Variants in IFT172 observed in about 807,000 individuals in gnomAD.
IFT172 encodes the protein intraflagellar transport protein 172 homolog.
IFT172 carries 164 observed loss-of-function variants against 248.9 expected under a neutral mutation model. The ratio of observed to expected loss-of-function variants is 0.66; its 90% CI spans 0.58 to 0.75. The LOEUF (loss-of-function observed/expected upper bound fraction) is 0.75, where lower values mean the gene tolerates loss of function less well. IFT172 is among the 30% of genes least tolerant of loss of function. The pLI is 0.00. For synonymous variants in IFT172, 729 were observed against 791.6 expected (o/e 0.92, Z 1.33); for missense variants, 1,950 against 2,192.4 (o/e 0.89, Z 2.21).
Position 27,461,027 on chromosome 2 carries a change from C to T in IFT172, c.2509G>A (p.Ala837Thr), listed in dbSNP as rs752494593. The T allele has an allele frequency of 8.1e-6, 13 of 1,614,002 alleles. 1 individual carries two copies. The highest frequency in any genetic ancestry group is 7.7e-5 in the South Asian group (7 of 91,090). The change falls in exon 23 of 48, where the codon GCA becomes ACA. Residue 837 changes from alanine to threonine, a missense_variant. Physicochemically the swap from Ala to Thr is moderately conservative, Grantham distance 58. Coordinates refer to ENST00000260570, the MANE Select transcript of IFT172 (RefSeq NM_015662.3). Reference sequence around the variant, plus strand: ...AGGTGGCTAGTACCTTTCATGAATGCGTTGCCTTTACGGTAGCACTCCAGG... The same window carrying T: ...AGGTGGCTAGTACCTTTCATGAATGTGTTGCCTTTACGGTAGCACTCCAGG... ...KALECYRKGNAFMKAVELARL... is the reference protein window; with the variant it reads ...KALECYRKGNTFMKAVELARL...
At chr2:27,448,127 C>G (rs1412583973) in intron 40 of IFT172, among the ~76,000 whole-genome samples, 3 of 151,964 alleles carry the variant, frequency 2.0e-5, no homozygotes, top group Non-Finnish European at 2.9e-5. Flanking sequence ...GAGACAGAGT[C>G]TTGCTCTGTT....
chr2:27,475,536 C>T (rs781557602), intron 14 of IFT172: 95 of 152,132 alleles, frequency 6.2e-4, no homozygotes, highest in African/African-American at 2.2e-3. Context: ...CATCCTTGCA[C>T]GGGGCCATGC....
At chr2:27,469,856 C>T (rs1007468747) in intron 16 of IFT172, among the ~76,000 whole-genome samples, 1 of 151,812 alleles carries the variant, frequency 6.6e-6, no homozygotes, top group Non-Finnish European at 1.5e-5. Flanking sequence ...TCATGCCTAA[C>T]TTTGGAGACA....
chr2:27,453,911 G>T, intron 33 of IFT172, 71 bp downstream of exon 33: 1 of 1,493,750 alleles, frequency 6.7e-7, no homozygotes, highest in Non-Finnish European at 9.1e-7. Context: ...CATACCAGGG[G>T]TCAGTGTGGC....
intron 42 of IFT172, among the ~76,000 whole-genome samples, chr2:27,446,680 AT>A (rs766069964): frequency 8.7e-3 from 700 of 80,394 alleles, no homozygotes; most frequent in African/African-American, 0.027. Context: ...TGCCTGGCTA[AT>A]TTTTTTTTTT....
At chr2:27,446,568 C>T in intron 42 of IFT172, 1 of 477,516 alleles carries the variant, frequency 2.1e-6, no homozygotes, top group Non-Finnish European at 3.8e-6. Context: ...GGCTGGAGTG[C>T]AGTGGTGCCA....
At chr2:27,473,864 G>C (rs1315318242) in intron 14 of IFT172, among the ~76,000 whole-genome samples, 1 of 151,048 alleles carries the variant, frequency 6.6e-6, no homozygotes, top group Non-Finnish European at 1.5e-5. Context: ...CTGGAGTGCA[G>C]TGGCACGATC....
intron 10 of IFT172, 80 bp from the exon 11 acceptor site, chr2:27,478,236 C>T (rs1668110359): frequency 1.3e-6 from 2 of 1,546,034 alleles, no homozygotes; most frequent in Admixed American, 1.7e-5. Flanking sequence ...TTGCCCACCT[C>T]CACAGCACTA....
chr2:27,468,564 G>A (rs1448130696), intron 16 of IFT172, among the ~76,000 whole-genome samples: 1 of 151,992 alleles, frequency 6.6e-6, no homozygotes, highest in Non-Finnish European at 1.5e-5. Context: ...AGAAACCAAA[G>A]AGAGGCCAGG....
chr2:27,477,724 C>T, intron 11 of IFT172, 112 bp from the exon 12 acceptor site: 1 of 864,992 alleles, frequency 1.2e-6, no homozygotes, highest in Non-Finnish European at 1.9e-6. Context: ...TAGGCTTTGG[C>T]ACTACACAAA....
At chr2:27,461,858 GA>G in intron 20 of IFT172, 22 bp from the exon 21 acceptor site, 1 of 1,613,760 alleles carries the variant, frequency 6.2e-7, no homozygotes, top group Admixed American at 1.7e-5. Context: ...AGGCAGAGCA[GA>G]GAGGGACACC....
intron 37 of IFT172, 22 bp downstream of exon 37, chr2:27,449,669 T>A: frequency 6.2e-7 from 1 of 1,608,618 alleles, no homozygotes; most frequent in Non-Finnish European, 8.5e-7. Context: ...AATTTCGCAG[T>A]AAGAAGGGGT....
At chr2:27,457,553 T>C in intron 29 of IFT172, 86 bp downstream of exon 29, 1 of 1,180,350 alleles carries the variant, frequency 8.5e-7, no homozygotes, top group Non-Finnish European at 1.3e-6. Context: ...CCAGCCTGGG[T>C]GACAGAGTGA....
chr2:27,470,742 A>G (rs1428464400), intron 16 of IFT172, 186 bp downstream of exon 16: 2 of 532,842 alleles, frequency 3.8e-6, no homozygotes, highest in Non-Finnish European at 6.2e-6. Flanking sequence ...AGGGTCTAAT[A>G]TAATGTCAGG....
intron 14 of IFT172, among the ~76,000 whole-genome samples, chr2:27,476,046 T>C (rs1667935429): frequency 6.6e-6 from 1 of 152,168 alleles, no homozygotes; most frequent in African/African-American, 2.4e-5. Context: ...ATAAATCTTA[T>C]ATGTTAATAT....
chr2:27,472,350 C>G lies in IFT172; in HGVS notation c.1424G>C (p.Gly475Ala). 1 of 1,613,612 alleles carries G rather than the reference C, an allele frequency of 6.2e-7. No individual in the cohort carries two copies. The highest frequency in any genetic ancestry group is 1.1e-5 in the South Asian group (1 of 91,038). ...IKTIAIVDLI[G>A]GYNIGTVSHE... Reference sequence around the variant, plus strand: ...GCTGACGGTGCCAATGTTGTAGCCACCAATCAGATCCACTATAGAATAAAG... The same window carrying G: ...GCTGACGGTGCCAATGTTGTAGCCAGCAATCAGATCCACTATAGAATAAAG... Residue 475 changes from glycine to alanine, a missense_variant, in exon 15 of 48, where the codon GGT (glycine) becomes GCT (alanine). By Grantham distance (60) the Gly-to-Ala change is moderately conservative. Transcript: ENST00000260570.
chr2:27,458,773 C>T lies in IFT172; in HGVS notation c.2877+6G>A. ...TTCTCTTATCATGAACTCCACCCAT[C>T]CCTACCTTGTGGGCTTGTTCCCAAC... On this transcript the variant is annotated splice_donor_region_variant and intron_variant, in intron 26 of 47. Transcript: ENST00000260570. 6.2e-7 allele frequency: 1 copy of T among 1,613,896 alleles called. No individual in the cohort carries two copies. The highest frequency in any genetic ancestry group is 1.1e-5 in the South Asian group (1 of 91,044).
At chr2:27,469,656 A>C (rs1667398875) in intron 16 of IFT172, among the ~76,000 whole-genome samples, 1 of 152,124 alleles carries the variant, frequency 6.6e-6, no homozygotes, top group Non-Finnish European at 1.5e-5. Context: ...ACATGGCGAA[A>C]CCTCATCTCT....
chr2:27,475,930 C>A (rs1667927708), intron 14 of IFT172, among the ~76,000 whole-genome samples: 1 of 152,002 alleles, frequency 6.6e-6, no homozygotes, highest in South Asian at 2.1e-4. Context: ...CTGTGCCTGG[C>A]CCAGAGCCCC....
Sources: allele counts gnomAD v4.1 joint callset (sites outside exome capture counted in the v4.1 genomes callset), GRCh38; gene constraint gnomAD v4.1.1; transcripts MANE v1.5; gene names NCBI Gene and HGNC (gene_info 2026-07-23, HGNC 2026-07-21).